Variants in ANKFY1 observed in about 807,000 individuals in gnomAD.
ANKFY1 encodes the protein ankyrin repeat and FYVE domain-containing protein 1.
ANKFY1 carries 47 observed loss-of-function variants against 128.3 expected under a neutral mutation model. That is an observed-to-expected ratio of 0.37 (90% CI 0.29 to 0.47). The LOEUF (loss-of-function observed/expected upper bound fraction) is 0.47, where lower values mean the gene tolerates loss of function less well. Ranked by LOEUF, ANKFY1 falls within the 20% of genes least tolerant of loss-of-function variation. The probability of loss-of-function intolerance (pLI) is 1.00; values close to 1 mark genes in which losing one functional copy is unlikely to be tolerated. For missense variants in ANKFY1, 1,222 were observed against 1,510.6 expected, an observed-to-expected ratio of 0.81 and a Z score of 3.17; for synonymous variants, 553 against 601.6, an observed-to-expected ratio of 0.92 and a Z score of 1.18.
At chr17:4,194,103 A>ATATATATTT (rs1555627694) in intron 10 of ANKFY1, among the ~76,000 whole-genome samples, 1 of 108,184 alleles carries the variant, frequency 9.2e-6, no homozygotes, top group African/African-American at 4.9e-5. Flanking sequence ...ATATATATAT[A>ATATATATTT]TTTTTTTTTT....
chr17:4,217,344 C>T (rs1479054130), intron 3 of ANKFY1, among the ~76,000 whole-genome samples: 5 of 152,110 alleles, frequency 3.3e-5, no homozygotes, highest in East Asian at 1.9e-4. Flanking sequence ...GTCAGGAGTT[C>T]GAGACCAGCC....
Position 4,169,947 on chromosome 17 carries a change from C to T in ANKFY1, c.3287-659G>A, listed in dbSNP as rs2059284723. On this transcript the variant is annotated intron_variant, in intron 23 of 24. Coordinates refer to ENST00000341657, the MANE Select transcript of ANKFY1 (RefSeq NM_001330063.2). The surrounding 1 kb of genome is among the most constrained non-coding windows in gnomAD (Gnocchi z 5.0). ...GTCCACTGAGCTCATGGGGACGGAG[C>T]AGCACGTGAGTCCGTCAGTTCCTTC... 6.6e-6 allele frequency among the ~76,000 whole-genome samples: 1 copy of T among 152,224 alleles called. No homozygotes were observed. The highest frequency in any genetic ancestry group is 2.4e-5 in the African/African-American group (1 of 41,454).
chr17:4,182,447 T>A, intron 14 of ANKFY1, 98 bp from the exon 15 acceptor site: 1 of 915,124 alleles, frequency 1.1e-6, no homozygotes, highest in Non-Finnish European at 1.6e-6. Context: ...CTTCTGTCTC[T>A]AATCATATTC....
chr17:4,223,584 G>A, intron 3 of ANKFY1: 2 of 1,263,902 alleles, frequency 1.6e-6, no homozygotes, highest in South Asian at 1.2e-5. Flanking sequence ...GTGATGTGTG[G>A]GGCCTTTGGA....
intron 1 of ANKFY1, among the ~76,000 whole-genome samples, chr17:4,257,626 T>C (rs1330566319): frequency 6.6e-6 from 1 of 152,234 alleles, no homozygotes; most frequent in Non-Finnish European, 1.5e-5. Context: ...CATTACTTCC[T>C]TAAAAAATCT....
At chr17:4,217,163 T>C (rs2143022406) in intron 3 of ANKFY1, 45 bp from the exon 4 acceptor site, 2 of 1,593,470 alleles carry the variant, frequency 1.3e-6, no homozygotes, top group Non-Finnish European at 1.7e-6. Flanking sequence ...TAGAATGACA[T>C]GCTTAGACTT....
At position 4,181,173 on chromosome 17, in the gene ANKFY1, A is replaced by G; in HGVS notation, c.2240+81T>C. ...AGCCGGCTACTGGCATGCCAAGACTATAGACGGATTTAAAAAGGAAAGAGC... is the reference window on the plus strand; with the variant it reads ...AGCCGGCTACTGGCATGCCAAGACTGTAGACGGATTTAAAAAGGAAAGAGC... On this transcript the variant is annotated intron_variant, in intron 16 of 24. Coordinates refer to ENST00000341657, the MANE Select transcript of ANKFY1 (RefSeq NM_001330063.2). The surrounding 1 kb of genome is among the most constrained non-coding windows in gnomAD (Gnocchi z 4.9). 1 of 1,185,318 alleles carries G rather than the reference A, an allele frequency of 8.4e-7. No homozygotes were observed. The highest frequency in any genetic ancestry group is 1.3e-6 in the Non-Finnish European group (1 of 796,552). 73.4% of individuals were successfully genotyped at this position (1,185,318 alleles called of 1,614,324 possible).
rs146334791 is a variant in ANKFY1, at chr17:4,206,501, T to C, written c.733-15A>G. On this transcript the variant is annotated splice_polypyrimidine_tract_variant and intron_variant, in intron 6 of 24. Coordinates refer to ENST00000341657, the MANE Select transcript of ANKFY1 (RefSeq NM_001330063.2). ...TTCCCAGGGAGCTACACAAACAAGT[T>C]TGTAAATTAGCGCCCAGTGAGTAGA... The C allele has an allele frequency of 6.2e-7, 1 of 1,603,066 alleles. No individual in the cohort carries two copies. Among genetic ancestry groups the C allele is most frequent in the East Asian group, 2.2e-5 (1 of 44,502 alleles).
At chr17:4,258,237 G>A (rs1171311105) in intron 1 of ANKFY1, among the ~76,000 whole-genome samples, 3 of 152,108 alleles carry the variant, frequency 2.0e-5, no homozygotes, top group African/African-American at 7.2e-5. Flanking sequence ...ATAAATTTCA[G>A]AAGTAGGGCC....
chr17:4,170,818 G>A lies in ANKFY1; in HGVS notation c.3183C>T (p.Arg1061=), dbSNP rs114686778. The A allele has an allele frequency of 9.9e-4, 1,593 of 1,614,164 alleles. 14 individuals carry two copies. In the African/African-American group the frequency reaches 0.019, roughly 19 times the overall value. ...GGCGAGCCCCCGACCGGACGATGGC[G>A]CGGCACAAGTTGGCGTTCCCTTTCA... is the stretch of plus-strand genomic sequence containing the variant. ...AYMKGNANLC[R]AIVRSGARLG... Residue 1061 remains arginine (R), a synonymous_variant, in exon 23 of 25, where the codon CGC becomes CGT. Transcript: ENST00000341657.
chr17:4,240,375 T>C (rs570821807), intron 2 of ANKFY1, among the ~76,000 whole-genome samples: 111 of 150,466 alleles, frequency 7.4e-4, no homozygotes, highest in Middle Eastern at 3.5e-3. Context: ...AACATTAGCA[T>C]GTTAATCTTT....
intron 13 of ANKFY1, 52 bp downstream of exon 13, chr17:4,183,760 A>G (rs2059559181): frequency 2.6e-6 from 4 of 1,549,692 alleles, no homozygotes; most frequent in African/African-American, 1.4e-5. Flanking sequence ...ACCCGGCCCC[A>G]CTTCGGACAG....
At chr17:4,232,951 C>T (rs1168389563) in intron 3 of ANKFY1, among the ~76,000 whole-genome samples, 1 of 151,716 alleles carries the variant, frequency 6.6e-6, no homozygotes, top group African/African-American at 2.4e-5. Context: ...AACTGAGGAA[C>T]ATTAACACTG....
At chr17:4,199,852 T>C (rs1191843136) in intron 7 of ANKFY1, among the ~76,000 whole-genome samples, 1 of 152,236 alleles carries the variant, frequency 6.6e-6, no homozygotes, top group African/African-American at 2.4e-5. Context: ...GATTTAGTTA[T>C]ATTTAACATT....
chr17:4,186,723 C>T, intron 11 of ANKFY1: 2 of 789,928 alleles, frequency 2.5e-6, no homozygotes, highest in Non-Finnish European at 1.5e-6. Context: ...TCCTCTACCC[C>T]TCCTCCTCGG....
At chr17:4,175,219 G>C (rs115788908) in intron 19 of ANKFY1, among the ~76,000 whole-genome samples, 1 of 151,678 alleles carries the variant, frequency 6.6e-6, no homozygotes, top group East Asian at 2.0e-4. Context: ...TGTAATCACA[G>C]CTACTCGGGA....
intron 18 of ANKFY1, among the ~76,000 whole-genome samples, chr17:4,177,729 A>G (rs2059433325): frequency 6.6e-6 from 1 of 152,262 alleles, no homozygotes; most frequent in Non-Finnish European, 1.5e-5. Flanking sequence ...CCCCAGCTGC[A>G]CTGCCGGCCT....
At chr17:4,185,821 T>C (rs972513406) in intron 11 of ANKFY1, among the ~76,000 whole-genome samples, 2 of 151,976 alleles carry the variant, frequency 1.3e-5, no homozygotes, top group Admixed American at 1.3e-4. Context: ...AAATAAATAG[T>C]ACAACAAATG....
chr17:4,182,055 C>T, intron 15 of ANKFY1, 126 bp downstream of exon 15: 1 of 1,006,620 alleles, frequency 9.9e-7, no homozygotes, highest in Non-Finnish European at 1.3e-6. Flanking sequence ...CTTTCAACTG[C>T]TTGTCCTTGT....
Sources: allele counts gnomAD v4.1 joint callset (sites outside exome capture counted in the v4.1 genomes callset), GRCh38; gene constraint gnomAD v4.1.1; non-coding constraint Gnocchi (gnomAD v3.1); transcripts MANE v1.5; gene names NCBI Gene and HGNC (gene_info 2026-07-23, HGNC 2026-07-21).